Variants in CTNNA3 observed in about 807,000 individuals in gnomAD.
CTNNA3 encodes catenin alpha 3, also known as catenin alpha-3.
In CTNNA3, 76 loss-of-function variants were observed where a neutral mutation model predicts 95.7. The ratio of observed to expected loss-of-function variants is 0.79; its 90% CI spans 0.66 to 0.96. The LOEUF (loss-of-function observed/expected upper bound fraction) is 0.96, where lower values mean the gene tolerates loss of function less well. Ranked by LOEUF, CTNNA3 falls within the 40% of genes least tolerant of loss-of-function variation. The pLI is 0.00. For synonymous variants in CTNNA3, 431 were observed against 374.4 expected, an observed-to-expected ratio of 1.15 and a Z score of -1.74; for missense variants, 1,191 against 1,089.8, an observed-to-expected ratio of 1.09 and a Z score of -1.31.
chr10:66,700,260 G>A (rs912928612), intron 9 of CTNNA3, among the ~76,000 whole-genome samples: 3 of 152,038 alleles, frequency 2.0e-5, no homozygotes, highest in Non-Finnish European at 2.9e-5. Flanking sequence ...TAGTTTTAGA[G>A]TTTCAACTCT....
rs2083975604 is a variant in CTNNA3 at position 66,147,776 on chromosome 10, T to C, written c.1885-44527A>G. Among the ~76,000 whole-genome samples the C allele has an allele frequency of 7.3e-5, 4 of 55,164 alleles. No individual in the cohort carries two copies. The South Asian group carries it at 3.9e-3, about 53-fold the overall frequency. The allele number at this position is 55,164 out of a possible 152,430, so 36.2% of individuals were successfully genotyped here. The stretch of plus-strand genomic sequence containing the variant: ...AGTATGCATATTATGTTTAGTATAG[T>C]ATGTATAGTATGTATGTATAGTATG... On this transcript the variant is annotated intron_variant, in intron 13 of 17. Coordinates refer to ENST00000433211, the MANE Select transcript of CTNNA3 (RefSeq NM_013266.4).
intron 7 of CTNNA3, among the ~76,000 whole-genome samples, chr10:66,919,079 G>A (rs574052747): frequency 1.3e-5 from 2 of 149,170 alleles, no homozygotes; most frequent in African/African-American, 4.9e-5. Flanking sequence ...AGGTTGCTGT[G>A]AGCCGGGATC....
intron 5 of CTNNA3, among the ~76,000 whole-genome samples, chr10:67,239,001 C>T (rs1302334595): frequency 6.6e-6 from 1 of 151,996 alleles, no homozygotes; most frequent in Non-Finnish European, 1.5e-5. Context: ...ATGATTACTC[C>T]AAGAAATAAA....
rs557412299 is a variant in CTNNA3, at chr10:67,734,734, C to A, written c.-2+28700G>T. 8.8e-4 allele frequency among the ~76,000 whole-genome samples: 134 copies of A among 152,026 alleles called. 1 individual carries two copies. The highest frequency in any genetic ancestry group is 3.1e-3 in the African/African-American group (129 of 41,504). On this transcript the variant is annotated intron_variant, in intron 1 of 17. Coordinates refer to the CTNNA3 transcript ENST00000684154. ...ATCCTTTTAAAAGTACATACTTTGA[C>A]CAAAAATAATATATCTAAGGGCTTG... is the stretch of plus-strand genomic sequence containing the variant.
At chr10:67,163,838 C>G (rs1861651482) in intron 7 of CTNNA3, among the ~76,000 whole-genome samples, 1 of 151,766 alleles carries the variant, frequency 6.6e-6, no homozygotes, top group Non-Finnish European at 1.5e-5. Flanking sequence ...CTTGTATATA[C>G]TAATAACAGG....
intron 7 of CTNNA3, among the ~76,000 whole-genome samples, chr10:66,972,436 C>T (rs1849774280): frequency 6.6e-6 from 1 of 151,970 alleles, no homozygotes; most frequent in Non-Finnish European, 1.5e-5. Context: ...ACCTAAGGCA[C>T]GCACCACTGT....
chr10:67,217,059 T>C (rs4142750), intron 6 of CTNNA3, among the ~76,000 whole-genome samples: 32,492 of 152,120 alleles, frequency 0.21, 5,214 homozygotes, highest in African/African-American at 0.45. Context: ...AGGGCCAGAA[T>C]GAAAAATTTA....
intron 8 of CTNNA3, among the ~76,000 whole-genome samples, chr10:66,770,545 T>C (rs1840047701): frequency 6.6e-6 from 1 of 152,174 alleles, no homozygotes; most frequent in Non-Finnish European, 1.5e-5. Flanking sequence ...TTTCATCTTT[T>C]CTCACTACAG....
intron 5 of CTNNA3, among the ~76,000 whole-genome samples, chr10:67,502,458 C>G (rs2133106384): frequency 6.6e-6 from 1 of 152,302 alleles, no homozygotes; most frequent in East Asian, 1.9e-4. Context: ...CAGGGACCCA[C>G]TAGAGGAGGC....
chr10:67,553,809 T>C (rs1211964157), intron 3 of CTNNA3, among the ~76,000 whole-genome samples: 1 of 152,096 alleles, frequency 6.6e-6, no homozygotes, highest in Admixed American at 6.5e-5. Context: ...GTGCATAATG[T>C]GCAGGTTTGT....
At chr10:66,713,344 A>G (rs1469480058) in intron 9 of CTNNA3, among the ~76,000 whole-genome samples, 1 of 152,092 alleles carries the variant, frequency 6.6e-6, no homozygotes, top group Non-Finnish European at 1.5e-5. Flanking sequence ...TTGGTTCCCA[A>G]AGTAACTCTA....
intron 5 of CTNNA3, among the ~76,000 whole-genome samples, chr10:67,411,028 G>A (rs1394493380): frequency 6.6e-6 from 1 of 152,112 alleles, no homozygotes; most frequent in East Asian, 1.9e-4. Context: ...AGTAAAAATA[G>A]TGGTTAACAG....
At chr10:67,446,602 T>A (rs1357612248) in intron 5 of CTNNA3, among the ~76,000 whole-genome samples, 1 of 152,234 alleles carries the variant, frequency 6.6e-6, no homozygotes, top group Non-Finnish European at 1.5e-5. Context: ...AGAAAACTTG[T>A]AAGTACTTTC....
At chr10:67,177,946 A>G (rs376755628) in intron 7 of CTNNA3, among the ~76,000 whole-genome samples, 1 of 152,184 alleles carries the variant, frequency 6.6e-6, no homozygotes, top group South Asian at 2.1e-4. Flanking sequence ...GCTACTGCAC[A>G]TAGGATCCCA....
chr10:66,327,636 C>A (rs1232441314), intron 12 of CTNNA3, among the ~76,000 whole-genome samples: 2 of 151,904 alleles, frequency 1.3e-5, no homozygotes, highest in African/African-American at 4.8e-5. Flanking sequence ...TATCTCTAAT[C>A]TTATTCTCTC....
intron 7 of CTNNA3, among the ~76,000 whole-genome samples, chr10:67,138,870 C>T (rs1860415292): frequency 6.6e-6 from 1 of 152,074 alleles, no homozygotes; most frequent in Admixed American, 6.6e-5. Flanking sequence ...CTAAGTCATC[C>T]ATCTATAGGG....
At chr10:67,554,434 C>A (rs1400167620) in intron 3 of CTNNA3, among the ~76,000 whole-genome samples, 1 of 152,106 alleles carries the variant, frequency 6.6e-6, no homozygotes, top group Non-Finnish European at 1.5e-5. Flanking sequence ...TCCTGACTTT[C>A]TAATGATCGC....
Position 67,758,943 on chromosome 10 carries a change from T to G in CTNNA3, c.-2+4491A>C, listed in dbSNP as rs541090966. 1.4e-4 allele frequency among the ~76,000 whole-genome samples: 21 copies of G among 152,298 alleles called. 1 individual carries two copies. The South Asian group carries it at 3.9e-3, about 29-fold the overall frequency. On this transcript the variant is annotated intron_variant, in intron 1 of 17. Coordinates refer to the CTNNA3 transcript ENST00000684154. ...CTTCTTCTTACTTCTTAATTGGCCA[T>G]GGCATTAAGAGACTGCTTAGGTAGG...
intron 13 of CTNNA3, among the ~76,000 whole-genome samples, chr10:66,213,825 A>G (rs1259163429): frequency 2.0e-5 from 3 of 152,206 alleles, no homozygotes; most frequent in Non-Finnish European, 4.4e-5. Context: ...ACTGCTTTGC[A>G]AAGCAGATTT....
Sources: allele counts gnomAD v4.1 joint callset (sites outside exome capture counted in the v4.1 genomes callset), GRCh38; gene constraint gnomAD v4.1.1; transcripts MANE v1.5; gene names NCBI Gene and HGNC (gene_info 2026-07-23, HGNC 2026-07-21).